The following RGS7 variants were observed in gnomAD, a reference collection of about 807,000 sequenced individuals.
RGS7 encodes the protein regulator of G-protein signaling 7.
In RGS7, 27 loss-of-function variants were observed where a neutral mutation model predicts 81.1. The ratio of observed to expected loss-of-function variants is 0.33; its 90% CI spans 0.25 to 0.46. RGS7 has a LOEUF of 0.46. Ranked by LOEUF, RGS7 falls within the 20% of genes least tolerant of loss-of-function variation. The pLI, the probability that RGS7 is intolerant of heterozygous loss-of-function variation, is 1.00. For missense variants in RGS7, 396 were observed against 607.4 expected, an observed-to-expected ratio of 0.65 and a Z score of 3.66; for synonymous variants, 208 against 207.7, an observed-to-expected ratio of 1.00 and a Z score of -0.01.
chr1:241,330,958 T>C (rs1319080785), intron 2 of RGS7, among the ~76,000 whole-genome samples: 1 of 152,250 alleles, frequency 6.6e-6, no homozygotes, highest in Non-Finnish European at 1.5e-5. Flanking sequence ...TGTATTTACA[T>C]GTAACATTGA....
intron 3 of RGS7, among the ~76,000 whole-genome samples, chr1:241,014,130 A>G (rs186600579): frequency 2.6e-5 from 4 of 152,342 alleles, no homozygotes; most frequent in African/African-American, 9.6e-5. Context: ...TCAGATTCAC[A>G]TGACCAAGCC....
intron 9 of RGS7, among the ~76,000 whole-genome samples, chr1:240,844,143 C>A (rs1350855276): frequency 3.3e-5 from 5 of 152,168 alleles, no homozygotes; most frequent in African/African-American, 1.2e-4. Flanking sequence ...TACCCAGGTT[C>A]TCCTATTGTT....
At chr1:241,263,038 G>C (rs61833817) in intron 2 of RGS7, among the ~76,000 whole-genome samples, 20,775 of 152,046 alleles carry the variant, frequency 0.14, 1,519 homozygotes, top group Middle Eastern at 0.18. Flanking sequence ...GGCTGAGGTT[G>C]CAGTGAGCCG....
intron 3 of RGS7, among the ~76,000 whole-genome samples, chr1:240,995,553 T>C (rs1464127857): frequency 6.6e-6 from 1 of 152,180 alleles, no homozygotes; most frequent in Non-Finnish European, 1.5e-5. Context: ...CAGGGTGAGT[T>C]GTAATAGTCT....
At chr1:241,027,380 C>T (rs1279788908) in intron 3 of RGS7, among the ~76,000 whole-genome samples, 1 of 152,100 alleles carries the variant, frequency 6.6e-6, no homozygotes, top group Non-Finnish European at 1.5e-5. Context: ...CGTTTTAATT[C>T]TAACTGCAGT....
At chr1:241,333,951 T>C (rs1174367618) in intron 2 of RGS7, among the ~76,000 whole-genome samples, 2 of 151,668 alleles carry the variant, frequency 1.3e-5, no homozygotes, top group Non-Finnish European at 2.9e-5. Flanking sequence ...TTAATATTAT[T>C]GTAATAGCAA....
chr1:241,188,264 T>C (rs1452313071), intron 2 of RGS7, among the ~76,000 whole-genome samples: 1 of 146,076 alleles, frequency 6.8e-6, no homozygotes, highest in Non-Finnish European at 1.5e-5. Context: ...TAACTTCTAT[T>C]ATAGTCCTTT....
chr1:240,982,241 G>A (rs931160220), intron 4 of RGS7, among the ~76,000 whole-genome samples: 1 of 151,884 alleles, frequency 6.6e-6, no homozygotes, highest in Admixed American at 6.6e-5. Flanking sequence ...CCAACATGGT[G>A]AAACCCCGAC....
chr1:241,022,335 CT>C (rs1263315155), intron 3 of RGS7, among the ~76,000 whole-genome samples: 8 of 152,202 alleles, frequency 5.3e-5, no homozygotes, highest in Non-Finnish European at 1.0e-4. Flanking sequence ...TAGAGTTTAA[CT>C]TTGAAACATA....
At chr1:241,179,566 A>C (rs1156532948) in intron 2 of RGS7, among the ~76,000 whole-genome samples, 1 of 152,166 alleles carries the variant, frequency 6.6e-6, no homozygotes, top group Non-Finnish European at 1.5e-5. Context: ...TGTTATTCAT[A>C]ATATTTACTG....
intron 9 of RGS7, among the ~76,000 whole-genome samples, chr1:240,835,547 ACT>A (rs1394150005): frequency 6.6e-6 from 1 of 152,026 alleles, no homozygotes; most frequent in Non-Finnish European, 1.5e-5. Context: ...CTTACAAAAC[ACT>A]CTAACCATTC....
At chr1:241,020,813 C>T (rs1354240045) in intron 3 of RGS7, among the ~76,000 whole-genome samples, 1 of 152,132 alleles carries the variant, frequency 6.6e-6, no homozygotes, top group African/African-American at 2.4e-5. Flanking sequence ...CACAATACAA[C>T]CATCAGTGCC....
chr1:241,267,818 G>A (rs552663123), intron 2 of RGS7, among the ~76,000 whole-genome samples: 7 of 152,126 alleles, frequency 4.6e-5, no homozygotes, highest in African/African-American at 7.2e-5. Flanking sequence ...GGAATCTTCC[G>A]TTATCTCTCC....
At position 240,838,930 on chromosome 1, in the gene RGS7, A is replaced by T. The variant is rs1553319468; in HGVS notation, c.610-11758T>A. Among the ~76,000 whole-genome samples, 5 of 151,766 alleles carry T rather than the reference A, an allele frequency of 3.3e-5. No homozygotes were observed. The South Asian group carries it at 6.2e-4, about 19-fold the overall frequency. On this transcript the variant is annotated intron_variant, in intron 9 of 18. Coordinates refer to ENST00000440928, the MANE Select transcript of RGS7 (RefSeq NM_001364886.1). ...ATTACAGGATTAGGATTACAGGCTA[A>T]TTTTTTTTGTATTTTTAGTAGAGAC...
At chr1:241,004,544 G>A (rs938533210) in intron 3 of RGS7, among the ~76,000 whole-genome samples, 2 of 152,232 alleles carry the variant, frequency 1.3e-5, no homozygotes, top group Middle Eastern at 3.4e-3. Flanking sequence ...AAAAGCACAC[G>A]AACTTAATGT....
At chr1:240,851,889 T>A (rs1313707291) in intron 9 of RGS7, among the ~76,000 whole-genome samples, 1 of 151,446 alleles carries the variant, frequency 6.6e-6, no homozygotes, top group Non-Finnish European at 1.5e-5. Context: ...AAAGGGGGAG[T>A]TGCTTCTTAT....
intron 3 of RGS7, among the ~76,000 whole-genome samples, chr1:241,005,169 T>C (rs1275764801): frequency 6.6e-6 from 1 of 152,210 alleles, no homozygotes; most frequent in Admixed American, 6.5e-5. Flanking sequence ...TCTTTCACCA[T>C]GGTTCAATTT....
intron 4 of RGS7, among the ~76,000 whole-genome samples, chr1:240,944,017 C>T (rs981199678): frequency 2.6e-5 from 4 of 151,858 alleles, no homozygotes; most frequent in African/African-American, 4.8e-5. Flanking sequence ...CATAAGTCAA[C>T]GATCTTTTTT....
intron 2 of RGS7, among the ~76,000 whole-genome samples, chr1:241,310,336 T>C (rs1406990110): frequency 3.9e-5 from 6 of 152,066 alleles, no homozygotes; most frequent in African/African-American, 1.2e-4. Flanking sequence ...AAACAGTGTA[T>C]ATGAAGACCT....
Sources: allele counts gnomAD v4.1 joint callset (sites outside exome capture counted in the v4.1 genomes callset), GRCh38; gene constraint gnomAD v4.1.1; transcripts MANE v1.5; gene names NCBI Gene and HGNC (gene_info 2026-07-23, HGNC 2026-07-21).